FAR2: variants seen among roughly 807,000 people sequenced by gnomAD.
The protein encoded by FAR2 is epididymis secretory protein Li 81.
A neutral mutation model predicts 56.0 loss-of-function variants in FAR2; 19 were observed. That is an observed-to-expected ratio of 0.34 (90% confidence interval 0.24 to 0.50). The LOEUF is 0.50. FAR2 is among the 20% of genes least tolerant of loss of function. FAR2 has a pLI of 0.98. For synonymous variants in FAR2, 219 were observed against 218.8 expected, an observed-to-expected ratio of 1.00 and a Z score of -0.01; for missense variants, 508 against 642.2, an observed-to-expected ratio of 0.79 and a Z score of 2.26.
chr12:29,216,044 C>T (rs890372123), intron 1 of FAR2, among the ~76,000 whole-genome samples: 3 of 152,158 alleles, frequency 2.0e-5, no homozygotes, highest in Non-Finnish European at 4.4e-5. Context: ...AACTTATATC[C>T]CTAACTGAAT....
chr12:29,318,911 C>T (rs994646653), intron 9 of FAR2, among the ~76,000 whole-genome samples: 4 of 152,080 alleles, frequency 2.6e-5, no homozygotes, highest in Admixed American at 6.6e-5. Flanking sequence ...TGCCAGGTGA[C>T]CCTCCCTAAG....
chr12:29,205,553 C>T (rs1947469610), intron 1 of FAR2, among the ~76,000 whole-genome samples: 1 of 152,194 alleles, frequency 6.6e-6, no homozygotes, highest in Non-Finnish European at 1.5e-5. Context: ...GGTGATAGTG[C>T]AGCCAAATGC....
chr12:29,167,917 T>C (rs902649985), intron 1 of FAR2, among the ~76,000 whole-genome samples: 4 of 152,220 alleles, frequency 2.6e-5, no homozygotes, highest in Non-Finnish European at 4.4e-5. Flanking sequence ...ACTTTAAGGA[T>C]AGTGATGGGA....
chr12:29,319,722 T>G, intron 9 of FAR2, among the ~76,000 whole-genome samples: 1 of 152,222 alleles, frequency 6.6e-6, no homozygotes, highest in East Asian at 1.9e-4. Flanking sequence ...CTAAATTACT[T>G]CATCTCTCTA....
intron 1 of FAR2, among the ~76,000 whole-genome samples, chr12:29,225,289 C>A (rs1031345397): frequency 6.6e-6 from 1 of 152,006 alleles, no homozygotes. Flanking sequence ...AAATAAAGAA[C>A]GTTTAGACAA....
intron 1 of FAR2, among the ~76,000 whole-genome samples, chr12:29,163,528 A>G (rs1211967612): frequency 6.6e-6 from 1 of 152,220 alleles, no homozygotes; most frequent in Non-Finnish European, 1.5e-5. Context: ...ACATCAGATA[A>G]ACGACTAGAT....
chr12:29,190,070 T>C (rs1450857985), intron 1 of FAR2, among the ~76,000 whole-genome samples: 2 of 151,876 alleles, frequency 1.3e-5, no homozygotes, highest in African/African-American at 4.8e-5. Context: ...TTTGCTGAGG[T>C]GGGGAATACT....
intron 10 of FAR2, among the ~76,000 whole-genome samples, chr12:29,331,025 T>C (rs1002711391): frequency 1.6e-4 from 24 of 152,218 alleles, no homozygotes; most frequent in African/African-American, 5.8e-4. Flanking sequence ...CAAGTATTTA[T>C]TGAATGTCTA....
chr12:29,185,395 C>T (rs1023936959), intron 1 of FAR2, among the ~76,000 whole-genome samples: 9 of 152,100 alleles, frequency 5.9e-5, no homozygotes, highest in African/African-American at 2.2e-4. Context: ...AGCTTATGAT[C>T]CTGCTTACAG....
intron 1 of FAR2, among the ~76,000 whole-genome samples, chr12:29,165,049 A>G (rs558734358): frequency 1.3e-5 from 2 of 152,304 alleles, no homozygotes; most frequent in South Asian, 4.1e-4. Context: ...GTGTTTTTGA[A>G]GCACAGAAGT....
chr12:29,168,459 G>A (rs1157314528), intron 1 of FAR2, among the ~76,000 whole-genome samples: 1 of 152,190 alleles, frequency 6.6e-6, no homozygotes, highest in African/African-American at 2.4e-5. Flanking sequence ...TAAAGAACAG[G>A]CTCAGAAAGA....
At chr12:29,230,459 A>G (rs1385605089) in intron 1 of FAR2, among the ~76,000 whole-genome samples, 1 of 152,052 alleles carries the variant, frequency 6.6e-6, no homozygotes, top group East Asian at 1.9e-4. Context: ...AAATGCAATC[A>G]GAGAGGTCAT....
chr12:29,172,434 A>G (rs538784738), intron 1 of FAR2, among the ~76,000 whole-genome samples: 3 of 152,124 alleles, frequency 2.0e-5, no homozygotes, highest in Admixed American at 6.5e-5. Flanking sequence ...AACAAGCCCT[A>G]CCCGGTGATT....
At chr12:29,236,582 A>G (rs1171033331) in intron 1 of FAR2, among the ~76,000 whole-genome samples, 1 of 152,052 alleles carries the variant, frequency 6.6e-6, no homozygotes, top group Non-Finnish European at 1.5e-5. Context: ...TGCAGGAAAA[A>G]CTACTATTTA....
At chr12:29,208,396 A>T (rs1947501261) in intron 1 of FAR2, among the ~76,000 whole-genome samples, 1 of 152,236 alleles carries the variant, frequency 6.6e-6, no homozygotes, top group African/African-American at 2.4e-5. Context: ...CAGTCCTACT[A>T]CTTGGTCCAT....
intron 1 of FAR2, chr12:29,171,530 G>T (rs1949885997): frequency 6.6e-6 from 1 of 150,600 alleles, no homozygotes; most frequent in Admixed American, 6.6e-5. Flanking sequence ...CTGCCCAGCT[G>T]CCCACTGTCT....
At chr12:29,207,855 G>A (rs192139688) in intron 1 of FAR2, among the ~76,000 whole-genome samples, 1 of 152,242 alleles carries the variant, frequency 6.6e-6, no homozygotes, top group Non-Finnish European at 1.5e-5. Flanking sequence ...CTGTCCTAAT[G>A]CAGGAACTTG....
chr12:29,241,227 T>C (rs1396444991), intron 1 of FAR2, among the ~76,000 whole-genome samples: 1 of 152,248 alleles, frequency 6.6e-6, no homozygotes, highest in Non-Finnish European at 1.5e-5. Context: ...GTGTGGATGC[T>C]TTTGTATGTA....
Position 29,335,100 on chromosome 12 carries a change from A to G in FAR2, c.*1306A>G, listed in dbSNP as rs548639853. ...AACAACTAAAATTAGTCACCGCATA[A>G]CTAGTTGAAAATGGCATAGGCATAA... On this transcript the variant is annotated 3_prime_UTR_variant, in exon 12 of 12. Transcript: ENST00000536681. 1 of 152,304 alleles carries G rather than the reference A, an allele frequency of 6.6e-6. No homozygotes were observed. Among genetic ancestry groups the G allele is most frequent in the East Asian group, 1.9e-4 (1 of 5,188 alleles). 9.4% of individuals were successfully genotyped at this position (152,304 alleles called of 1,614,324 possible).
Sources: allele counts gnomAD v4.1 joint callset (sites outside exome capture counted in the v4.1 genomes callset), GRCh38; gene constraint gnomAD v4.1.1; transcripts MANE v1.5; gene names NCBI Gene and HGNC (gene_info 2026-07-23, HGNC 2026-07-21).